VWA3B: variants seen among roughly 807,000 people sequenced by gnomAD.
VWA3B encodes the protein von Willebrand factor A domain-containing protein 3B.
A neutral mutation model predicts 158.3 loss-of-function variants in VWA3B; 138 were observed. The ratio of observed to expected loss-of-function variants is 0.87; its 90% CI spans 0.76 to 1.00. VWA3B has a LOEUF of 1.00. Among genes scored for constraint, VWA3B ranks in the 50% least tolerant of loss-of-function variants. The pLI, the probability that VWA3B is intolerant of heterozygous loss-of-function variation, is 0.00. For missense variants in VWA3B, 1,555 were observed against 1,565.1 expected, an observed-to-expected ratio of 0.99 and a Z score of 0.11; for synonymous variants, 596 against 587.3, an observed-to-expected ratio of 1.01 and a Z score of -0.21.
At chr2:98,212,492 C>T (rs1347226747) in intron 13 of VWA3B, among the ~76,000 whole-genome samples, 3 of 152,020 alleles carry the variant, frequency 2.0e-5, no homozygotes, top group Non-Finnish European at 4.4e-5. Flanking sequence ...TTGTTTAGCC[C>T]GACTGGAAAA....
intron 14 of VWA3B, among the ~76,000 whole-genome samples, chr2:98,219,489 T>C (rs1218084592): frequency 1.3e-5 from 2 of 152,220 alleles, no homozygotes; most frequent in Admixed American, 6.5e-5. Context: ...CAATGAGTCG[T>C]GGAAAAATCC....
At chr2:98,315,914 T>C (rs749335683), downstream of VWA3B, among the ~76,000 whole-genome samples, 2 of 152,212 alleles carry the variant, frequency 1.3e-5, no homozygotes, top group Non-Finnish European at 2.9e-5. Flanking sequence ...TTAGAAGATA[T>C]GTTGATAGTG....
intron 12 of VWA3B, among the ~76,000 whole-genome samples, chr2:98,204,275 A>T (rs1682821619): frequency 6.6e-6 from 1 of 152,198 alleles, no homozygotes; most frequent in African/African-American, 2.4e-5. Flanking sequence ...ATTGCAGCGG[A>T]TAGAACTTCC....
At chr2:98,218,171 A>G (rs1172893066) in intron 14 of VWA3B, 143 bp downstream of exon 14, 5 of 915,384 alleles carry the variant, frequency 5.5e-6, no homozygotes, top group Non-Finnish European at 7.8e-6. Flanking sequence ...CAATGAGTGT[A>G]CCAGTGTTTC....
chr2:98,291,023 C>T (rs770038640), intron 23 of VWA3B: 16 of 172,756 alleles, frequency 9.3e-5, no homozygotes, highest in Non-Finnish European at 1.7e-4. Flanking sequence ...TGTGGTGTGT[C>T]AGATACAGTG....
intron 7 of VWA3B, among the ~76,000 whole-genome samples, chr2:98,154,153 C>T (rs745749256): frequency 6.6e-6 from 1 of 152,168 alleles, no homozygotes; most frequent in Non-Finnish European, 1.5e-5. Flanking sequence ...TGAGCCACCG[C>T]GCCCAGCAGG....
intron 12 of VWA3B, among the ~76,000 whole-genome samples, chr2:98,209,068 A>G (rs1342715310): frequency 6.6e-6 from 1 of 152,192 alleles, no homozygotes; most frequent in Non-Finnish European, 1.5e-5. Flanking sequence ...CTATAGTTTC[A>G]GATGAGAAAC....
intron 5 of VWA3B, among the ~76,000 whole-genome samples, chr2:98,123,641 C>A (rs1253500044): frequency 6.6e-6 from 1 of 152,136 alleles, no homozygotes; most frequent in Non-Finnish European, 1.5e-5. Context: ...TGAAAAGGAA[C>A]CTGGCTCACT....
At chr2:98,301,314 A>AC (rs2105988446) in intron 25 of VWA3B, among the ~76,000 whole-genome samples, 1 of 152,218 alleles carries the variant, frequency 6.6e-6, no homozygotes, top group East Asian at 1.9e-4. Context: ...ACAAAACAAA[A>AC]AAAAAAACCT....
At chr2:98,196,939 C>T (rs974455874) in intron 12 of VWA3B, among the ~76,000 whole-genome samples, 1 of 152,228 alleles carries the variant, frequency 6.6e-6, no homozygotes, top group South Asian at 2.1e-4. Context: ...TCACCTCTAA[C>T]ATAGCCATGG....
intron 13 of VWA3B, among the ~76,000 whole-genome samples, chr2:98,212,645 C>G (rs1213780614): frequency 3.3e-5 from 5 of 152,148 alleles, no homozygotes; most frequent in Non-Finnish European, 7.4e-5. Flanking sequence ...AGTGTCAACT[C>G]GCGTCCTTCC....
Position 98,250,442 on chromosome 2 carries a change from T to C in VWA3B, c.2792+6T>C. On this transcript the variant is annotated splice_donor_region_variant and intron_variant, in intron 20 of 27. Transcript: ENST00000477737. The stretch of plus-strand genomic sequence containing the variant: ...GCAATTCAATCCTATGAAAAGTGAG[T>C]ATTACTCTTGGCTGCTCTTTAATGG... 1.9e-6 allele frequency: 3 copies of C among 1,597,174 alleles called. No individual in the cohort carries two copies. The South Asian group carries it at 3.3e-5, about 18-fold the overall frequency.
intron 7 of VWA3B, among the ~76,000 whole-genome samples, chr2:98,154,208 G>T (rs1677871694): frequency 6.6e-6 from 1 of 152,202 alleles, no homozygotes; most frequent in Non-Finnish European, 1.5e-5. Flanking sequence ...TAGTTAACAA[G>T]CATTTATTAA....
chr2:98,308,583 C>A (rs918654830), intron 26 of VWA3B, among the ~76,000 whole-genome samples: 1 of 151,988 alleles, frequency 6.6e-6, no homozygotes, highest in Admixed American at 6.6e-5. Context: ...CAAGTCCTTC[C>A]CTGGCTGCCT....
chr2:98,194,977 G>GA (rs1462740476), intron 12 of VWA3B, among the ~76,000 whole-genome samples: 1 of 152,216 alleles, frequency 6.6e-6, no homozygotes, highest in Non-Finnish European at 1.5e-5. Context: ...GTAAGAAGGT[G>GA]AAATCATTTC....
chr2:98,213,932 T>C (rs1683755759), intron 13 of VWA3B, among the ~76,000 whole-genome samples: 1 of 152,196 alleles, frequency 6.6e-6, no homozygotes, highest in Admixed American at 6.5e-5. Flanking sequence ...GGCCCACTCC[T>C]GTAATCTCAA....
chr2:98,304,806 CT>C (rs1264912415), intron 26 of VWA3B, among the ~76,000 whole-genome samples: 1 of 152,110 alleles, frequency 6.6e-6, no homozygotes, highest in Non-Finnish European at 1.5e-5. Flanking sequence ...GGTTGGCCTC[CT>C]GTTCACACAC....
At chr2:98,171,618 A>G (rs551254130) in intron 8 of VWA3B, among the ~76,000 whole-genome samples, 1 of 152,240 alleles carries the variant, frequency 6.6e-6, no homozygotes, top group East Asian at 1.9e-4. Context: ...CCTCAATTTC[A>G]TACCAATGGC....
rs927901196 is a variant in VWA3B, at chr2:98,283,206, A to G, written c.3046-7305A>G. ...AATTTTAAAAAGGAACTTTAAATGTATCTAGGCATAGGTTCTAAGAAATGA... is the reference window on the plus strand; with the variant it reads ...AATTTTAAAAAGGAACTTTAAATGTGTCTAGGCATAGGTTCTAAGAAATGA... On this transcript the variant is annotated intron_variant, in intron 22 of 27. Coordinates refer to ENST00000477737, the MANE Select transcript of VWA3B (RefSeq NM_144992.5). Among the ~76,000 whole-genome samples the G allele has an allele frequency of 1.8e-4, 28 of 152,388 alleles. 1 individual carries two copies. Among genetic ancestry groups the G allele is most frequent in the Admixed American group, 6.5e-5 (1 of 15,312 alleles).
Sources: gnomAD v4.1 joint callset for allele counts (sites outside exome capture counted in the v4.1 genomes callset) on GRCh38, gnomAD v4.1.1 for gene constraint, MANE v1.5 for transcripts, NCBI Gene and HGNC (gene_info 2026-07-23, HGNC 2026-07-21) for gene names.